Variants in UBE2R2 observed in about 807,000 individuals in gnomAD.
UBE2R2 encodes the protein ubiquitin conjugating enzyme E2 R2.
Under a neutral mutation model 27.8 loss-of-function variants are expected in UBE2R2, and 1 was observed. The observed-to-expected ratio is 0.04, with a 90% CI of 0.01 to 0.17. The LOEUF (loss-of-function observed/expected upper bound fraction) is 0.17, where lower values mean the gene tolerates loss of function less well. Among genes scored for constraint, UBE2R2 ranks in the 10% least tolerant of loss-of-function variants. UBE2R2 has a pLI of 1.00. For synonymous variants in UBE2R2, 106 were observed against 113.3 expected, an observed-to-expected ratio of 0.94 and a Z score of 0.41; for missense variants, 100 against 291.0, an observed-to-expected ratio of 0.34 and a Z score of 4.78.
chr9:33,817,105 G>C (rs892021818), upstream of UBE2R2, among the ~76,000 whole-genome samples: 8 of 151,866 alleles, frequency 5.3e-5, no homozygotes, highest in Non-Finnish European at 1.2e-4. Context: ...GCTGAGAGCC[G>C]CCCAGCACCC....
At chr9:33,901,549 C>T (rs1331311195) in intron 3 of UBE2R2, among the ~76,000 whole-genome samples, 1 of 150,296 alleles carries the variant, frequency 6.7e-6, no homozygotes, top group African/African-American at 2.4e-5. Flanking sequence ...TCTATTCTTC[C>T]CCTTTATTTG....
chr9:33,825,095 G>A (rs1226033367), intron 1 of UBE2R2, among the ~76,000 whole-genome samples: 2 of 152,102 alleles, frequency 1.3e-5, no homozygotes, highest in Non-Finnish European at 2.9e-5. Context: ...TGTAGGAAAA[G>A]TCACTTCCTT....
intron 2 of UBE2R2, among the ~76,000 whole-genome samples, chr9:33,897,768 CTTTTTTCTTTTTT>C (rs1330191302): frequency 7.3e-6 from 1 of 137,402 alleles, no homozygotes; most frequent in Admixed American, 7.2e-5. Flanking sequence ...TTTCTCTTTT[CTTTTTTCTTTTTT>C]TTTTTTTTTT....
chr9:33,821,597 T>C (rs956120093), intron 1 of UBE2R2, among the ~76,000 whole-genome samples: 6 of 152,132 alleles, frequency 3.9e-5, no homozygotes, highest in Admixed American at 1.3e-4. Context: ...GTGCCTCTTT[T>C]ATGATATGCA....
intron 1 of UBE2R2, among the ~76,000 whole-genome samples, chr9:33,884,198 ATCTCTCTC>A (rs777923492): frequency 9.0e-4 from 57 of 63,474 alleles, no homozygotes; most frequent in East Asian, 7.5e-3. Context: ...CAACTTAAGA[ATCTCTCTC>A]TCTCTCTCTC....
chr9:33,863,072 C>CAGCT (rs987057400), intron 1 of UBE2R2, among the ~76,000 whole-genome samples: 6 of 151,714 alleles, frequency 4.0e-5, no homozygotes, highest in Admixed American at 1.3e-4. Flanking sequence ...CCTGTAATCC[C>CAGCT]AGCTACTCAG....
rs1822681337 is a variant in UBE2R2 at position 33,917,613 on chromosome 9, G to A, written c.*376G>A. 2.8e-6 allele frequency: 1 copy of A among 355,700 alleles called. No homozygotes were observed. The highest frequency in any genetic ancestry group is 2.1e-5 in the African/African-American group (1 of 46,918). 22.0% of individuals were successfully genotyped at this position (355,700 alleles called of 1,614,324 possible). On this transcript the variant is annotated 3_prime_UTR_variant, in exon 5 of 5. Transcript: ENST00000263228. The stretch of plus-strand genomic sequence containing the variant: ...AATAGTCTTTCAAGATGTTTAATGT[G>A]TTTAAAGCTGGGAACCTGTTGGGAG...
At chr9:33,833,400 A>T (rs1241307937) in intron 1 of UBE2R2, among the ~76,000 whole-genome samples, 3 of 151,858 alleles carry the variant, frequency 2.0e-5, no homozygotes, top group African/African-American at 7.3e-5. Context: ...TGGTTTCACC[A>T]TGTTGGCCAG....
chr9:33,822,797 A>G (rs1294492368), intron 1 of UBE2R2, among the ~76,000 whole-genome samples: 2 of 150,848 alleles, frequency 1.3e-5, no homozygotes, highest in Non-Finnish European at 1.5e-5. Flanking sequence ...GAATGAATCT[A>G]TTTTCTGCCT....
intron 1 of UBE2R2, among the ~76,000 whole-genome samples, chr9:33,842,658 T>C (rs1187921036): frequency 2.6e-5 from 4 of 152,202 alleles, no homozygotes; most frequent in Admixed American, 2.0e-4. Flanking sequence ...ATTTTCATTG[T>C]GATATTTATT....
At chr9:33,876,621 AAATC>A (rs1821607573) in intron 1 of UBE2R2, among the ~76,000 whole-genome samples, 2 of 152,318 alleles carry the variant, frequency 1.3e-5, no homozygotes, top group East Asian at 1.9e-4. Context: ...TGCTTTAAAA[AAATC>A]AATCATAAGG....
chr9:33,856,902 T>TG (rs1821118184), intron 1 of UBE2R2, among the ~76,000 whole-genome samples: 1 of 141,024 alleles, frequency 7.1e-6, no homozygotes, highest in African/African-American at 2.6e-5. Context: ...TTTTTTTTTT[T>TG]TTTTTTTTTT....
intron 1 of UBE2R2, among the ~76,000 whole-genome samples, chr9:33,873,817 G>A (rs367892204): frequency 2.0e-5 from 3 of 151,944 alleles, no homozygotes; most frequent in Admixed American, 6.6e-5. Context: ...AAAAAATTAC[G>A]GTGTGTGTGG....
intron 2 of UBE2R2, among the ~76,000 whole-genome samples, chr9:33,894,960 A>G (rs1822069405): frequency 6.6e-6 from 1 of 152,182 alleles, no homozygotes; most frequent in African/African-American, 2.4e-5. Flanking sequence ...TCAGCCTCCC[A>G]CAGTGGTGGA....
intron 1 of UBE2R2, among the ~76,000 whole-genome samples, chr9:33,839,755 G>A (rs1820691953): frequency 6.6e-6 from 1 of 152,138 alleles, no homozygotes; most frequent in Non-Finnish European, 1.5e-5. Flanking sequence ...TAGCACTTTG[G>A]GAGGCTGAGG....
chr9:33,910,830 C>T (rs998708161), intron 3 of UBE2R2, among the ~76,000 whole-genome samples: 3 of 152,150 alleles, frequency 2.0e-5, no homozygotes, highest in Non-Finnish European at 2.9e-5. Context: ...GGGCCAGGTG[C>T]GGTGGCTCAT....
At chr9:33,853,288 C>CTTTTTTTTT (rs71506143) in intron 1 of UBE2R2, among the ~76,000 whole-genome samples, 1 of 115,362 alleles carries the variant, frequency 8.7e-6, no homozygotes, top group African/African-American at 3.4e-5. Flanking sequence ...TTTTCTCTCT[C>CTTTTTTTTT]TTTTTTTTTT....
At position 33,857,220 on chromosome 9, in the gene UBE2R2, T is replaced by C. The variant is rs146279420; in HGVS notation, c.178-29661T>C. On this transcript the variant is annotated intron_variant, in intron 1 of 4. Coordinates refer to ENST00000263228, the MANE Select transcript of UBE2R2 (RefSeq NM_017811.4). ...CCCTTATGAGTTTATATGCTTTTTTTTTTATTCCCCTTACTGTCACTTTAG... is the reference window on the plus strand; with the variant it reads ...CCCTTATGAGTTTATATGCTTTTTTCTTTATTCCCCTTACTGTCACTTTAG... Among the ~76,000 whole-genome samples, 15 of 151,732 alleles carry C rather than the reference T, an allele frequency of 9.9e-5. No individual in the cohort carries two copies. In the East Asian group the frequency reaches 2.5e-3, roughly 26 times the overall value.
At chr9:33,914,290 T>G (rs577206696) in intron 4 of UBE2R2, among the ~76,000 whole-genome samples, 86 of 152,304 alleles carry the variant, frequency 5.6e-4, no homozygotes, top group African/African-American at 1.9e-3. Flanking sequence ...CAATACTTTT[T>G]CAGGTGAAAA....
Sources: allele counts gnomAD v4.1 joint callset (sites outside exome capture counted in the v4.1 genomes callset), GRCh38; gene constraint gnomAD v4.1.1; transcripts MANE v1.5; gene names NCBI Gene and HGNC (gene_info 2026-07-23, HGNC 2026-07-21).